Variants in CDC14A observed in about 807,000 individuals in gnomAD.
CDC14A encodes cell division cycle 14A.
A neutral mutation model predicts 74.4 loss-of-function variants in CDC14A; 53 were observed. That is an observed-to-expected ratio of 0.71 (90% CI 0.57 to 0.89). The LOEUF (loss-of-function observed/expected upper bound fraction) is 0.89, where lower values mean the gene tolerates loss of function less well. CDC14A is among the 40% of genes least tolerant of loss of function. CDC14A has a pLI of 0.00. For missense variants in CDC14A, 646 were observed against 713.7 expected, an observed-to-expected ratio of 0.91 and a Z score of 1.08; for synonymous variants, 247 against 258.4, an observed-to-expected ratio of 0.96 and a Z score of 0.43.
chr1:100,518,013 A>G (rs182610953), intron 15 of CDC14A, among the ~76,000 whole-genome samples: 12 of 152,356 alleles, frequency 7.9e-5, no homozygotes, highest in Non-Finnish European at 1.5e-4. Flanking sequence ...TTTAATCACT[A>G]TAAATAAATT....
intron 2 of CDC14A, among the ~76,000 whole-genome samples, chr1:100,367,819 T>C (rs1019538769): frequency 1.3e-5 from 2 of 152,190 alleles, no homozygotes; most frequent in Non-Finnish European, 2.9e-5. Flanking sequence ...TTGCTTATTT[T>C]TTTTCTACCT....
At chr1:100,469,010 T>C (rs1320758303) in intron 10 of CDC14A, among the ~76,000 whole-genome samples, 1 of 152,154 alleles carries the variant, frequency 6.6e-6, no homozygotes, top group East Asian at 1.9e-4. Flanking sequence ...TCCTCCCACC[T>C]TGACTTCCCA....
At chr1:100,351,952 C>G, upstream of CDC14A, 1 of 707,198 alleles carries the variant, frequency 1.4e-6, no homozygotes, top group Non-Finnish European at 2.3e-6. Flanking sequence ...AGGCAGGGCA[C>G]GGAGATCTGA....
chr1:100,506,743 C>T (rs1364514075), intron 15 of CDC14A, among the ~76,000 whole-genome samples: 1 of 152,158 alleles, frequency 6.6e-6, no homozygotes, highest in African/African-American at 2.4e-5. Flanking sequence ...AGTTATGAAT[C>T]ACCCTGGTTG....
chr1:100,404,526 G>A (rs1002077953), intron 4 of CDC14A, among the ~76,000 whole-genome samples: 1 of 152,116 alleles, frequency 6.6e-6, no homozygotes, highest in Non-Finnish European at 1.5e-5. Flanking sequence ...CAAATTCATG[G>A]GTAATAAAAC....
chr1:100,420,077 T>TATCGA (rs1662158552), intron 4 of CDC14A, among the ~76,000 whole-genome samples: 1 of 118,558 alleles, frequency 8.4e-6, no homozygotes, highest in Non-Finnish European at 1.8e-5. Context: ...TATATATATA[T>TATCGA]ATATAGTGTG....
At chr1:100,510,529 T>A (rs186166119) in intron 15 of CDC14A, among the ~76,000 whole-genome samples, 4 of 152,312 alleles carry the variant, frequency 2.6e-5, no homozygotes. Context: ...CTCCATGACC[T>A]CTTTCTGACC....
rs1057239204 is a variant in CDC14A, at chr1:100,519,157, A to G, written c.*877A>G. On this transcript the variant is annotated 3_prime_UTR_variant, in exon 16 of 16. Coordinates refer to ENST00000336454, the MANE Select transcript of CDC14A (RefSeq NM_003672.4). ...TCCTTTCAAAAGAGTTCTTAACCCA[A>G]TTAGGATATCCTGCTTTGGGTATGA... The G allele has an allele frequency of 5.9e-5, 9 of 152,176 alleles. No homozygotes were observed. The highest frequency in any genetic ancestry group is 1.9e-4 in the East Asian group (1 of 5,184). The allele number at this position is 152,176 out of a possible 1,614,324, so 9.4% of individuals were successfully genotyped here.
intron 8 of CDC14A, among the ~76,000 whole-genome samples, chr1:100,459,122 CACACAG>C (rs1667056663): frequency 3.4e-5 from 5 of 146,616 alleles, no homozygotes; most frequent in African/African-American, 1.3e-4. Flanking sequence ...CACACACACA[CACACAG>C]AGAGAGAGAG....
rs76679045 is a variant in CDC14A at position 100,440,109 on chromosome 1, A to G, written c.456+111A>G. 1.3e-3 allele frequency: 1,015 copies of G among 755,520 alleles called. 8 individuals are homozygous for G. The African/African-American group carries it at 0.014, about 11-fold the overall frequency. The allele number at this position is 755,520 out of a possible 1,614,324, so 46.8% of individuals were successfully genotyped here. A position where few individuals can be genotyped will look rare whatever the true frequency, so the allele number is the denominator to read the frequency against. On this transcript the variant is annotated intron_variant, in intron 6 of 15. Coordinates refer to ENST00000336454, the MANE Select transcript of CDC14A (RefSeq NM_003672.4). ...TGGAGGGAAGAAAGGGGAGCCAGTA[A>G]GTAGAAGGCTTTTCACTTCTTGAAG...
chr1:100,516,919 C>T (rs1650281178), intron 15 of CDC14A, among the ~76,000 whole-genome samples: 1 of 152,228 alleles, frequency 6.6e-6, no homozygotes, highest in African/African-American at 2.4e-5. Flanking sequence ...ATTCTTCCTA[C>T]AGCTCTTGAA....
At chr1:100,491,563 TATATATA>T (rs1670661848) in intron 11 of CDC14A, among the ~76,000 whole-genome samples, 17 of 86,168 alleles carry the variant, frequency 2.0e-4, no homozygotes, top group African/African-American at 8.2e-4. Flanking sequence ...TATATATATA[TATATATA>T]TATTTTTTTT....
At position 100,352,726 on chromosome 1, in the gene CDC14A, C is replaced by A. The variant is rs1416500602; in HGVS notation, c.-229C>A. ...AAATAGGAGCGGCCACAGCCAGGGG[C>A]GTGAGCGCCCCGCGCGGAGCGAGCT... On this transcript the variant is annotated 5_prime_UTR_variant, in exon 1 of 16. Transcript: ENST00000336454. 7.2e-7 allele frequency: 1 copy of A among 1,393,560 alleles called. No homozygotes were observed. The highest frequency in any genetic ancestry group is 9.3e-7 in the Non-Finnish European group (1 of 1,078,784). The allele number at this position is 1,393,560 out of a possible 1,614,324, so 86.3% of individuals were successfully genotyped here.
At chr1:100,365,419 C>T (rs930389735) in intron 2 of CDC14A, among the ~76,000 whole-genome samples, 4 of 152,180 alleles carry the variant, frequency 2.6e-5, no homozygotes, top group African/African-American at 9.7e-5. Context: ...GTCATAGACT[C>T]TGTAGAGTCT....
chr1:100,409,121 G>A (rs959713546), intron 4 of CDC14A, among the ~76,000 whole-genome samples: 1 of 152,180 alleles, frequency 6.6e-6, no homozygotes, highest in African/African-American at 2.4e-5. Context: ...ATGGCAGAAG[G>A]TGAAAGGCAC....
At chr1:100,495,778 A>C (rs983957744) in intron 12 of CDC14A, among the ~76,000 whole-genome samples, 1 of 152,212 alleles carries the variant, frequency 6.6e-6, no homozygotes, top group African/African-American at 2.4e-5. Context: ...TGATCTAAGG[A>C]ATAAAGGTTC....
At chr1:100,447,017 C>T (rs6688598) in intron 7 of CDC14A, among the ~76,000 whole-genome samples, 10,132 of 152,158 alleles carry the variant, frequency 0.067, 1,180 homozygotes, top group African/African-American at 0.23. Context: ...GCAGTTTATA[C>T]TATAGCATAT....
chr1:100,399,927 T>C (rs1659042213), intron 4 of CDC14A, among the ~76,000 whole-genome samples: 1 of 152,156 alleles, frequency 6.6e-6, no homozygotes, highest in Non-Finnish European at 1.5e-5. Context: ...CTAGAAATCA[T>C]GCCCATCAGT....
intron 11 of CDC14A, among the ~76,000 whole-genome samples, chr1:100,492,985 G>A (rs1295044655): frequency 6.6e-6 from 1 of 152,022 alleles, no homozygotes; most frequent in Admixed American, 6.5e-5. Flanking sequence ...TGGATCTCAT[G>A]TTATCTTTCC....
Sources: allele counts gnomAD v4.1 joint callset (sites outside exome capture counted in the v4.1 genomes callset), GRCh38; gene constraint gnomAD v4.1.1; transcripts MANE v1.5; gene names NCBI Gene and HGNC (gene_info 2026-07-23, HGNC 2026-07-21).